The following ZNF398 variants were observed in gnomAD, a reference collection of about 807,000 sequenced individuals.
The protein encoded by ZNF398 is zinc finger protein 398, also known as zinc finger DNA binding protein ZER6.
In ZNF398, 18 loss-of-function variants were observed where a neutral mutation model predicts 41.9. The observed-to-expected ratio is 0.43, with a 90% CI of 0.30 to 0.64. The LOEUF (loss-of-function observed/expected upper bound fraction) is 0.64. Among genes scored for constraint, ZNF398 ranks in the 30% least tolerant of loss-of-function variants. The pLI is 0.14. For missense variants in ZNF398, 669 were observed against 822.8 expected (o/e 0.81, Z 2.29); for synonymous variants, 260 against 308.8 (o/e 0.84, Z 1.66).
At chr7:149,144,746 G>A (rs762320518), upstream of ZNF398, among the ~76,000 whole-genome samples, 1 of 151,640 alleles carries the variant, frequency 6.6e-6, no homozygotes, top group Non-Finnish European at 1.5e-5. Context: ...CCACGACCAC[G>A]CCCGGCTAGT....
intron 2 of ZNF398, among the ~76,000 whole-genome samples, chr7:149,129,893 C>T (rs1311392016): frequency 6.6e-6 from 1 of 151,896 alleles, no homozygotes; most frequent in Non-Finnish European, 1.5e-5. Flanking sequence ...CTCCGCCTCC[C>T]AGGTTCAAGC....
chr7:149,174,817 C>A (rs917733805), intron 4 of ZNF398, among the ~76,000 whole-genome samples: 3 of 152,100 alleles, frequency 2.0e-5, no homozygotes, highest in African/African-American at 4.8e-5. Context: ...TAGAGTGAGA[C>A]CCTGTCTCAA....
chr7:149,161,729 C>T (rs892593980), intron 2 of ZNF398, among the ~76,000 whole-genome samples: 3 of 151,682 alleles, frequency 2.0e-5, no homozygotes, highest in African/African-American at 4.8e-5. Flanking sequence ...AAAACTTCAG[C>T]TCCTGCTTGA....
chr7:149,127,505 G>T (rs547484008), intron 1 of ZNF398, among the ~76,000 whole-genome samples: 1 of 134,898 alleles, frequency 7.4e-6, no homozygotes, highest in Non-Finnish European at 1.5e-5. Flanking sequence ...AGGAGAGCGA[G>T]ACCATCCTGG....
rs1419633727 is a variant in ZNF398 at position 149,181,931 on chromosome 7, G to T, written c.*2130G>T. ...TCTAGTTTGCACCTTGATTTCCCCA[G>T]TGAAAAGGGAGAAGAGCCAAAGTAT... On this transcript the variant is annotated 3_prime_UTR_variant, in exon 6 of 6. Transcript: ENST00000475153. 3 of 152,190 alleles carry T rather than the reference G, an allele frequency of 2.0e-5. No individual in the cohort carries two copies. Among genetic ancestry groups the T allele is most frequent in the Admixed American group, 6.5e-5 (1 of 15,270 alleles). The allele number at this position is 152,190 out of a possible 1,614,324, so 9.4% of individuals were successfully genotyped here.
intron 3 of ZNF398, 113 bp downstream of exon 3, chr7:149,166,397 T>A: frequency 7.1e-7 from 1 of 1,400,472 alleles, no homozygotes; most frequent in East Asian, 2.3e-5. Context: ...ACACTTCAAA[T>A]TCTGGTTTCA....
chr7:149,168,844 C>T (rs1585534821), intron 4 of ZNF398, among the ~76,000 whole-genome samples: 1 of 152,120 alleles, frequency 6.6e-6, no homozygotes. Flanking sequence ...AGTGAGCCAC[C>T]ACGCCCGGCC....
chr7:149,141,689 C>T (rs1029184194), intron 2 of ZNF398, among the ~76,000 whole-genome samples: 3 of 151,954 alleles, frequency 2.0e-5, no homozygotes, highest in Non-Finnish European at 2.9e-5. Context: ...CTCTTGACCT[C>T]GTGATCCACC....
At chr7:149,130,919 G>A (rs774385965) in intron 2 of ZNF398, among the ~76,000 whole-genome samples, 1 of 152,172 alleles carries the variant, frequency 6.6e-6, no homozygotes, top group Non-Finnish European at 1.5e-5. Context: ...AATTGGTTAG[G>A]GGTAAGGAAG....
intron 2 of ZNF398, among the ~76,000 whole-genome samples, chr7:149,164,401 C>G (rs555661409): frequency 6.6e-6 from 1 of 151,130 alleles, no homozygotes; most frequent in East Asian, 1.9e-4. Context: ...AGCAAGACTC[C>G]GTCTCAAAAA....
intron 2 of ZNF398, among the ~76,000 whole-genome samples, chr7:149,135,076 G>C (rs1263189791): frequency 1.3e-5 from 2 of 152,110 alleles, no homozygotes; most frequent in Non-Finnish European, 2.9e-5. Flanking sequence ...CATTAACAAA[G>C]CCTAGTTGAA....
intron 5 of ZNF398, among the ~76,000 whole-genome samples, chr7:149,177,579 C>A (rs757188149): frequency 1.6e-4 from 25 of 152,058 alleles, no homozygotes; most frequent in Non-Finnish European, 3.5e-4. Context: ...GGGTAGCATT[C>A]TACAAAAGGG....
At chr7:149,166,022 C>A (rs1795219377) in intron 2 of ZNF398, 136 bp from the exon 3 acceptor site, 1 of 1,005,784 alleles carries the variant, frequency 9.9e-7, no homozygotes, top group South Asian at 1.7e-5. Context: ...TAAAAGAAAC[C>A]ATTTCAGAGA....
At position 149,166,302 on chromosome 7, in the gene ZNF398, C is replaced by A. The variant is rs779985463; in HGVS notation, c.547+18C>A. On this transcript the variant is annotated intron_variant, in intron 3 of 5. Coordinates refer to ENST00000475153, the MANE Select transcript of ZNF398 (RefSeq NM_170686.3). ...CTCCATGGGTGAGGCTGAGTTGACA[C>A]CTTTTGAATGAAGTGACAGCAGCTC... 8 of 1,591,964 alleles carry A rather than the reference C, an allele frequency of 5.0e-6. No individual in the cohort carries two copies. The highest frequency in any genetic ancestry group is 6.8e-6 in the Non-Finnish European group (8 of 1,170,306).
chr7:149,134,710 G>A (rs570977388), intron 2 of ZNF398, among the ~76,000 whole-genome samples: 1 of 152,274 alleles, frequency 6.6e-6, no homozygotes, highest in South Asian at 2.1e-4. Flanking sequence ...TGTTGCCCAG[G>A]CTGTTTTTTT....
At chr7:149,148,477 A>G (rs1284037479) in intron 1 of ZNF398, 31 of 985,386 alleles carry the variant, frequency 3.1e-5, no homozygotes, top group Non-Finnish European at 3.7e-5. Context: ...TTTGCCACCC[A>G]AGAGGTCTTT....
At chr7:149,130,878 G>C (rs1278065836) in intron 2 of ZNF398, among the ~76,000 whole-genome samples, 2 of 152,188 alleles carry the variant, frequency 1.3e-5, no homozygotes, top group African/African-American at 2.4e-5. Flanking sequence ...CTATTGCTGG[G>C]AGGAAATGTA....
chr7:149,152,361 C>T (rs959115588), intron 1 of ZNF398, among the ~76,000 whole-genome samples: 92 of 149,002 alleles, frequency 6.2e-4, no homozygotes, highest in Non-Finnish European at 1.9e-4. Flanking sequence ...CCTGGGTTCA[C>T]GCCATTCTGC....
intron 5 of ZNF398, among the ~76,000 whole-genome samples, chr7:149,177,114 TTC>T (rs996961138): frequency 2.0e-5 from 3 of 150,596 alleles, no homozygotes; most frequent in Non-Finnish European, 3.0e-5. Context: ...GCTTAATGCA[TTC>T]TGTTTTTTTT....
Sources: gnomAD v4.1 joint callset for allele counts (sites outside exome capture counted in the v4.1 genomes callset) on GRCh38, gnomAD v4.1.1 for gene constraint, MANE v1.5 for transcripts, NCBI Gene and HGNC (gene_info 2026-07-23, HGNC 2026-07-21) for gene names.